The following GHSR variants were observed in gnomAD, a reference collection of about 807,000 sequenced individuals.
GHSR encodes growth hormone secretagogue receptor type 1.
GHSR carries 17 observed loss-of-function variants against 24.0 expected under a neutral mutation model. The ratio of observed to expected loss-of-function variants is 0.71; its 90% CI spans 0.49 to 1.06. The LOEUF (loss-of-function observed/expected upper bound fraction) is 1.06. Ranked by LOEUF, GHSR falls within the 50% of genes least tolerant of loss-of-function variation. The pLI is 0.00. For missense variants in GHSR, 504 were observed against 483.1 expected (o/e 1.04, Z -0.41); for synonymous variants, 238 against 208.1 (o/e 1.14, Z -1.24).
At position 172,443,430 on chromosome 3, in the gene GHSR, T is replaced by C. The variant is rs1737386381; in HGVS notation, c.*1731A>G. 6.6e-6 allele frequency among the ~76,000 whole-genome samples: 1 copy of C among 152,188 alleles called. No homozygotes were observed. Among genetic ancestry groups the C allele is most frequent in the African/African-American group, 2.4e-5 (1 of 41,460 alleles). Reference sequence around the variant, plus strand: ...TCTAGAGAAATGATTCTAATTATGATTGTGTTTGGATGTTTCCAAACTAAA... The same window carrying C: ...TCTAGAGAAATGATTCTAATTATGACTGTGTTTGGATGTTTCCAAACTAAA... On this transcript the variant is annotated 3_prime_UTR_variant, in exon 2 of 2. Coordinates refer to ENST00000241256, the MANE Select transcript of GHSR (RefSeq NM_198407.2).
At position 172,448,444 on chromosome 3, in the gene GHSR, C is replaced by G. The variant is rs746082893; in HGVS notation, c.-31G>C. 6.4e-7 allele frequency: 1 copy of G among 1,570,594 alleles called. No homozygotes were observed. Among genetic ancestry groups the G allele is most frequent in the South Asian group, 1.1e-5 (1 of 87,192 alleles). ...CGGCTCAGCTGAACAGGCTCTGGGA[C>G]GTGACTGCGCTGGGAGGCTGGACCG... On this transcript the variant is annotated 5_prime_UTR_variant, in exon 1 of 2. Coordinates refer to ENST00000241256, the MANE Select transcript of GHSR (RefSeq NM_198407.2). The surrounding 1 kb of genome is among the most constrained non-coding windows in gnomAD (Gnocchi z 4.8).
chr3:172,447,514 A>G (rs1359038308), intron 1 of GHSR, 104 bp downstream of exon 1: 1 of 1,541,210 alleles, frequency 6.5e-7, no homozygotes, highest in Non-Finnish European at 8.7e-7. Context: ...AGAAAGAGGT[A>G]GCGACTCAGG....
At position 172,447,663 on chromosome 3, in the gene GHSR, C is replaced by CA; in HGVS notation, c.750dup (p.Ala251CysfsTer41). 1 of 1,614,088 alleles carries CA rather than the reference C, an allele frequency of 6.2e-7. No homozygotes were observed. Among genetic ancestry groups the CA allele is most frequent in the Non-Finnish European group, 8.5e-7 (1 of 1,180,022 alleles). On this transcript the variant is annotated frameshift_variant, in exon 1 of 2. Coordinates refer to ENST00000241256, the MANE Select transcript of GHSR (RefSeq NM_198407.2). LOFTEE classifies it high-confidence loss of function. ...TTGTGGTTCTGGTCCCTGAGCGAGG[C>CA]ACCCACGACAGCATCGCCGCGCCTC... is the stretch of plus-strand genomic sequence containing the variant.
In GHSR at chr3:172,445,337, A is replaced by G; in HGVS notation, c.925T>C (p.Phe309Leu). 6.2e-7 allele frequency: 1 copy of G among 1,614,170 alleles called. No homozygotes were observed. Among genetic ancestry groups the G allele is most frequent in the South Asian group, 1.1e-5 (1 of 91,078 alleles). ...GCAGCACTGAGGTAGAAGAGGACAA[A>G]GGACACGAGGTTGCAGTACTGGCTG... ...QISQYCNLVS[F>L]VLFYLSAAIN... The change falls in exon 2 of 2, where the codon TTT (phenylalanine) becomes CTT (leucine). Residue 309 changes from phenylalanine (F) to leucine (L), a missense_variant. By Grantham distance (22) the Phe-to-Leu change is conservative. Transcript: ENST00000241256.
At chr3:172,445,624 A>T (rs1737441882) in intron 1 of GHSR, 159 bp from the exon 2 acceptor site, 1 of 278,560 alleles carries the variant, frequency 3.6e-6, no homozygotes, top group Non-Finnish European at 5.4e-6. Flanking sequence ...ACAAAGATTC[A>T]GTCTGTCTGG....
rs1248820094 is a variant in GHSR at position 172,445,339 on chromosome 3, G to A, written c.923C>T (p.Ser308Phe). 1.9e-6 allele frequency: 3 copies of A among 1,614,024 alleles called. No homozygotes were observed. The highest frequency in any genetic ancestry group is 2.5e-6 in the Non-Finnish European group (3 of 1,180,042). ...AGCACTGAGGTAGAAGAGGACAAAG[G>A]ACACGAGGTTGCAGTACTGGCTGAT... is the stretch of plus-strand genomic sequence containing the variant. ...AQISQYCNLV[S>F]FVLFYLSAAI... Residue 308 changes from serine to phenylalanine, a missense_variant, in exon 2 of 2, where the codon TCC becomes TTC. By Grantham distance (155) the Ser-to-Phe change is radical. Coordinates refer to ENST00000241256, the MANE Select transcript of GHSR (RefSeq NM_198407.2).
In GHSR at chr3:172,448,087, C is replaced by G; in HGVS notation, c.327G>C (p.Trp109Cys). ...GTTTGCAGAGGAGGTCGCCGAAGTT[C>G]CAGGGCCGGTACTGCCAGAGGCGAA... ...DLVRLWQYRP[W>C]NFGDLLCKLF... Residue 109 changes from tryptophan to cysteine, a missense_variant, in exon 1 of 2, where the codon TGG becomes TGC. Trp to Cys is a radical substitution (Grantham distance 215). Transcript: ENST00000241256. The surrounding 1 kb of genome is among the most constrained non-coding windows in gnomAD (Gnocchi z 4.8). The G allele has an allele frequency of 6.2e-7, 1 of 1,614,210 alleles. No homozygotes were observed. The highest frequency in any genetic ancestry group is 8.5e-7 in the Non-Finnish European group (1 of 1,180,042).
chr3:172,447,575 A>T, intron 1 of GHSR, 43 bp downstream of exon 1: 1 of 1,611,192 alleles, frequency 6.2e-7, no homozygotes, highest in Non-Finnish European at 8.5e-7. Flanking sequence ...CAGGGAGAGG[A>T]TAGGACCCGC....
rs1398103999 is a variant in GHSR at position 172,448,320 on chromosome 3, C to G, written c.94G>C (p.Asp32His). ...DASPGNDSLGDELLQLFPAPL... is the reference protein window; with the variant it reads ...DASPGNDSLGHELLQLFPAPL... ...GCGGGGAAGAGCTGCAGCAGCTCGTCGCCCAGCGAGTCGTTGCCGGGGGAA... is the reference window on the plus strand; with the variant it reads ...GCGGGGAAGAGCTGCAGCAGCTCGTGGCCCAGCGAGTCGTTGCCGGGGGAA... Residue 32 changes from aspartate to histidine, a missense_variant, in exon 1 of 2, where the codon GAC becomes CAC. Transcript: ENST00000241256. The surrounding 1 kb of genome is among the most constrained non-coding windows in gnomAD (Gnocchi z 4.8). The G allele has an allele frequency of 6.2e-7, 1 of 1,608,616 alleles. No individual in the cohort carries two copies. The highest frequency in any genetic ancestry group is 8.5e-7 in the Non-Finnish European group (1 of 1,179,818).
At chr3:172,445,893 CAAT>C (rs1278805957) in intron 1 of GHSR, among the ~76,000 whole-genome samples, 2 of 151,730 alleles carry the variant, frequency 1.3e-5, no homozygotes, top group African/African-American at 4.8e-5. Flanking sequence ...TAGACTCAGT[CAAT>C]TTAAATCTCT....
At chr3:172,447,259 T>C (rs1576992986) in intron 1 of GHSR, among the ~76,000 whole-genome samples, 1 of 152,262 alleles carries the variant, frequency 6.6e-6, no homozygotes, top group South Asian at 2.1e-4. Flanking sequence ...TCTGGGCTGA[T>C]ATAAAATTTA....
rs1056682592 is a variant in GHSR, at chr3:172,448,279, G to C, written c.135C>G (p.Gly45=). The C allele has an allele frequency of 2.5e-6, 4 of 1,612,378 alleles. No individual in the cohort carries two copies. The Admixed American group carries it at 5.0e-5, about 20-fold the overall frequency. ...AGAGTGCCACGCAGGTGGCTGTGACGCCCGCCAGCAGCGGCGCGGGGAAGA... is the reference window on the plus strand; with the variant it reads ...AGAGTGCCACGCAGGTGGCTGTGACCCCCGCCAGCAGCGGCGCGGGGAAGA... The part of the protein sequence containing the change: ...LQLFPAPLLA[G]VTATCVALFV... Residue 45 remains glycine, a synonymous_variant, in exon 1 of 2, where the codon GGC becomes GGG. Transcript: ENST00000241256. This position sits in a 1 kb window ranked among gnomAD's most constrained non-coding sequence, Gnocchi z 4.8.
Position 172,444,004 on chromosome 3 carries a change from G to A in GHSR, c.*1157C>T, listed in dbSNP as rs112111487. The stretch of plus-strand genomic sequence containing the variant: ...CTTTCTTGTAATCTTGCCAGAGCAC[G>A]TTACAAATTGTTCCCTTATTCACAA... On this transcript the variant is annotated 3_prime_UTR_variant, in exon 2 of 2. Transcript: ENST00000241256. Among the ~76,000 whole-genome samples the A allele has an allele frequency of 7.2e-5, 11 of 152,192 alleles. 1 individual carries two copies. Among genetic ancestry groups the A allele is most frequent in the African/African-American group, 2.2e-4 (9 of 41,550 alleles).
rs561879798 is a variant in GHSR, at chr3:172,448,057, G to A, written c.357C>T (p.Phe119=). ...AGGTGCAGCTCTCACTGACGAATTG[G>A]AAGAGTTTGCAGAGGAGGTCGCCGA... ...WNFGDLLCKL[F]QFVSESCTYA... is the part of the protein sequence containing the mutation. The change falls in exon 1 of 2, where the codon TTC becomes TTT. Residue 119 remains phenylalanine (F), a synonymous_variant. Transcript: ENST00000241256. This position sits in a 1 kb window ranked among gnomAD's most constrained non-coding sequence, Gnocchi z 4.8. The A allele has an allele frequency of 6.2e-7, 1 of 1,614,194 alleles. No homozygotes were observed. The highest frequency in any genetic ancestry group is 1.1e-5 in the South Asian group (1 of 91,076).
In GHSR at chr3:172,448,267, G is replaced by A; in HGVS notation, c.147C>T (p.Thr49=). Residue 49 remains threonine (T), a synonymous_variant, in exon 1 of 2, where the codon ACC becomes ACT. Coordinates refer to ENST00000241256, the MANE Select transcript of GHSR (RefSeq NM_198407.2). The surrounding 1 kb of genome is among the most constrained non-coding windows in gnomAD (Gnocchi z 4.8). The part of the protein sequence containing the change: ...PAPLLAGVTA[T]CVALFVVGIA... The stretch of plus-strand genomic sequence containing the variant: ...TGCCCACCACGAAGAGTGCCACGCA[G>A]GTGGCTGTGACGCCCGCCAGCAGCG... 6.2e-7 allele frequency: 1 copy of A among 1,613,336 alleles called. No homozygotes were observed. Among genetic ancestry groups the A allele is most frequent in the Middle Eastern group, 1.6e-4 (1 of 6,062 alleles).
At position 172,446,987 on chromosome 3, in the gene GHSR, A is replaced by G. The variant is rs577367227; in HGVS notation, c.796+631T>C. ...AACAGCAGCAGGGTAAACAGAATTG[A>G]TGCAATTATCTGAAAAAATGCAGGG... is the stretch of plus-strand genomic sequence containing the variant. On this transcript the variant is annotated intron_variant, in intron 1 of 1. Transcript: ENST00000241256. Among the ~76,000 whole-genome samples, 7 of 152,382 alleles carry G rather than the reference A, an allele frequency of 4.6e-5. No individual in the cohort carries two copies. In the South Asian group the frequency reaches 1.2e-3, roughly 27 times the overall value.
In GHSR at chr3:172,446,768, T is replaced by C. The variant is rs1324925538; in HGVS notation, c.796+850A>G. Among the ~76,000 whole-genome samples the C allele has an allele frequency of 2.6e-5, 4 of 152,228 alleles. No individual in the cohort carries two copies. The East Asian group carries it at 7.7e-4, about 29-fold the overall frequency. ...ATCCAGTTATGACATTGTGCCCAGA[T>C]GTTCCTGAAGGGTCATTTGGGGAAG... is the stretch of plus-strand genomic sequence containing the variant. On this transcript the variant is annotated intron_variant, in intron 1 of 1. Coordinates refer to ENST00000241256, the MANE Select transcript of GHSR (RefSeq NM_198407.2).
At position 172,443,853 on chromosome 3, in the gene GHSR, A is replaced by T. The variant is rs73039028; in HGVS notation, c.*1308T>A. ...TTTGGAGACAGGACACAGCATAGAC[A>T]TTTAAAAATAAATGGCTATAAGATT... On this transcript the variant is annotated 3_prime_UTR_variant, in exon 2 of 2. Coordinates refer to ENST00000241256, the MANE Select transcript of GHSR (RefSeq NM_198407.2). Among the ~76,000 whole-genome samples, 1 of 152,156 alleles carries T rather than the reference A, an allele frequency of 6.6e-6. No individual in the cohort carries two copies. The highest frequency in any genetic ancestry group is 1.9e-4 in the East Asian group (1 of 5,192).
At position 172,447,970 on chromosome 3, in the gene GHSR, T is replaced by A; in HGVS notation, c.444A>T (p.Pro148=). 1 of 1,613,742 alleles carries A rather than the reference T, an allele frequency of 6.2e-7. No individual in the cohort carries two copies. The highest frequency in any genetic ancestry group is 1.1e-5 in the South Asian group (1 of 91,070). ...TGGTGACCACCACCTTGGCCCGGAG[T>A]GGGAAGCAGATGGCGAAGTAGCGCT... is the stretch of plus-strand genomic sequence containing the variant. ...SVERYFAICF[P]LRAKVVVTKG... The change falls in exon 1 of 2, where the codon CCA becomes CCT. Residue 148 remains proline (P), a synonymous_variant. Coordinates refer to ENST00000241256, the MANE Select transcript of GHSR (RefSeq NM_198407.2).
Sources: gnomAD v4.1 joint callset for allele counts (sites outside exome capture counted in the v4.1 genomes callset) on GRCh38, gnomAD v4.1.1 for gene constraint, Gnocchi (gnomAD v3.1) non-coding constraint, MANE v1.5 for transcripts, NCBI Gene and HGNC (gene_info 2026-07-23, HGNC 2026-07-21) for gene names.